Variants in CDH2 observed in about 807,000 individuals in gnomAD.
The protein encoded by CDH2 is cadherin 2, also known as cadherin-2.
Under a neutral mutation model 92.0 loss-of-function variants are expected in CDH2, and 17 were observed. That is an observed-to-expected ratio of 0.18 (90% CI 0.13 to 0.28). The LOEUF is 0.28. Among genes scored for constraint, CDH2 ranks in the 10% least tolerant of loss-of-function variants. CDH2 has a pLI of 1.00. For synonymous variants in CDH2, 419 were observed against 415.9 expected, an observed-to-expected ratio of 1.01 and a Z score of -0.09; for missense variants, 862 against 1,133.1, an observed-to-expected ratio of 0.76 and a Z score of 3.44.
intron 1 of CDH2, among the ~76,000 whole-genome samples, chr18:28,148,004 C>T (rs921794275): frequency 6.6e-6 from 1 of 152,044 alleles, no homozygotes; most frequent in Non-Finnish European, 1.5e-5. Flanking sequence ...CCAGTAAAAG[C>T]GAAATAATAC....
At chr18:27,968,579 T>C (rs2011584463) in intron 14 of CDH2, among the ~76,000 whole-genome samples, 1 of 152,122 alleles carries the variant, frequency 6.6e-6, no homozygotes, top group Non-Finnish European at 1.5e-5. Context: ...GTCTGACACA[T>C]GGAGGAGAGG....
chr18:27,980,553 T>C (rs1022068077), intron 14 of CDH2, among the ~76,000 whole-genome samples: 2 of 152,078 alleles, frequency 1.3e-5, no homozygotes, highest in African/African-American at 4.8e-5. Flanking sequence ...AAAAACCCCA[T>C]TATATAATTT....
chr18:28,011,799 T>TA, intron 4 of CDH2, 47 bp downstream of exon 4: 1 of 1,558,504 alleles, frequency 6.4e-7, no homozygotes, highest in Non-Finnish European at 8.8e-7. Context: ...ATTTTTAACA[T>TA]ACATTTGTCT....
chr18:28,145,830 T>TA (rs567381611), intron 2 of CDH2, among the ~76,000 whole-genome samples: 21 of 147,998 alleles, frequency 1.4e-4, no homozygotes, highest in African/African-American at 3.0e-4. Context: ...AAAAACTGTT[T>TA]AAAAAAAAAA....
Position 27,997,301 on chromosome 18 carries a change from C to T in CDH2, c.1021-3664G>A, listed in dbSNP as rs1026680324. On this transcript the variant is annotated intron_variant, in intron 7 of 15. Transcript: ENST00000269141. ...ATACAGCAGACATTTAATGAAATGTCTTCAAAATGCCAGGCAATGGAGTAT... is the reference window on the plus strand; with the variant it reads ...ATACAGCAGACATTTAATGAAATGTTTTCAAAATGCCAGGCAATGGAGTAT... Among the ~76,000 whole-genome samples, 4 of 152,150 alleles carry T rather than the reference C, an allele frequency of 2.6e-5. No individual in the cohort carries two copies. In the East Asian group the frequency reaches 5.8e-4, roughly 22 times the overall value.
chr18:27,935,635 T>C (rs1253403219), intron 6 of CDH2, among the ~76,000 whole-genome samples: 1 of 152,158 alleles, frequency 6.6e-6, no homozygotes, highest in African/African-American at 2.4e-5. Context: ...GGTACTGCCT[T>C]GTGTAGTGTC....
intron 2 of CDH2, among the ~76,000 whole-genome samples, chr18:28,036,047 A>G (rs2013817935): frequency 6.6e-6 from 1 of 152,158 alleles, no homozygotes; most frequent in African/African-American, 2.4e-5. Flanking sequence ...ACCACAAAAA[A>G]TATTTGGCTT....
intron 14 of CDH2, among the ~76,000 whole-genome samples, chr18:27,975,994 G>A (rs547738136): frequency 6.6e-6 from 1 of 152,244 alleles, no homozygotes; most frequent in South Asian, 2.1e-4. Context: ...GGCTGAGTCT[G>A]GGGTCCTTAT....
At chr18:28,080,186 G>C (rs937803331) in intron 2 of CDH2, among the ~76,000 whole-genome samples, 32 of 152,226 alleles carry the variant, frequency 2.1e-4, no homozygotes, top group African/African-American at 7.5e-4. Flanking sequence ...TGGCTTTAAG[G>C]GCAAAGAGAG....
chr18:27,988,898 A>G (rs372615487), intron 10 of CDH2, among the ~76,000 whole-genome samples: 1 of 152,198 alleles, frequency 6.6e-6, no homozygotes, highest in South Asian at 2.1e-4. Context: ...GAGGGACAAG[A>G]CTAGGTGCAC....
intron 15 of CDH2, among the ~76,000 whole-genome samples, chr18:27,961,499 G>A (rs113743727): frequency 1.9e-3 from 287 of 152,202 alleles, no homozygotes; most frequent in Non-Finnish European, 3.0e-3. Flanking sequence ...TGGACAATTA[G>A]GTTAAGGGCT....
At chr18:27,968,861 G>A (rs1398826684) in intron 14 of CDH2, among the ~76,000 whole-genome samples, 2 of 152,206 alleles carry the variant, frequency 1.3e-5, no homozygotes, top group African/African-American at 4.8e-5. Context: ...GAAAAAAGCT[G>A]ACTGCGGCAC....
At chr18:28,041,220 A>C (rs1003312679) in intron 2 of CDH2, among the ~76,000 whole-genome samples, 1 of 152,236 alleles carries the variant, frequency 6.6e-6, no homozygotes, top group Non-Finnish European at 1.5e-5. Flanking sequence ...TTATCATTTG[A>C]TACATTCTTC....
At chr18:28,043,390 G>A (rs2013987794) in intron 2 of CDH2, among the ~76,000 whole-genome samples, 1 of 145,268 alleles carries the variant, frequency 6.9e-6, no homozygotes. Flanking sequence ...CAAAATCTCA[G>A]AAATCACTAC....
intron 14 of CDH2, among the ~76,000 whole-genome samples, chr18:27,978,655 CATT>C (rs766723234): frequency 5.3e-5 from 8 of 151,390 alleles, no homozygotes; most frequent in Non-Finnish European, 1.2e-4. Flanking sequence ...TTTATTTTCT[CATT>C]ATTATTATTT....
chr18:28,160,592 T>C (rs567198284), intron 1 of CDH2, among the ~76,000 whole-genome samples: 1 of 152,118 alleles, frequency 6.6e-6, no homozygotes, highest in Non-Finnish European at 1.5e-5. Context: ...ACAAGAAATC[T>C]TCCCTTGAGG....
Position 27,985,368 on chromosome 18 carries a change from C to CT in CDH2, c.1976-136dup. 7 of 777,468 alleles carry CT rather than the reference C, an allele frequency of 9.0e-6. No individual in the cohort carries two copies. The South Asian group carries it at 1.1e-4, about 12-fold the overall frequency. The allele number at this position is 777,468 out of a possible 1,614,324, so 48.2% of individuals were successfully genotyped here. On this transcript the variant is annotated intron_variant, in intron 12 of 15. Transcript: ENST00000269141. ...TTACAACTATGCTGCATTCTAAATA[C>CT]TTTTTTGGCCGTAAAGGCCTTTAAT...
chr18:28,139,020 ACAC>A (rs2015909908), intron 2 of CDH2, among the ~76,000 whole-genome samples: 1 of 152,060 alleles, frequency 6.6e-6, no homozygotes, highest in Admixed American at 6.6e-5. Flanking sequence ...ACATCATTGA[ACAC>A]CACAAGGCTT....
chr18:28,053,995 T>A (rs1040868869), intron 2 of CDH2, among the ~76,000 whole-genome samples: 1 of 152,116 alleles, frequency 6.6e-6, no homozygotes, highest in Non-Finnish European at 1.5e-5. Context: ...GTTTGTGCCA[T>A]GGGAGGCTGC....
Sources: allele counts gnomAD v4.1 joint callset (sites outside exome capture counted in the v4.1 genomes callset), GRCh38; gene constraint gnomAD v4.1.1; transcripts MANE v1.5; gene names NCBI Gene and HGNC (gene_info 2026-07-23, HGNC 2026-07-21).